The following THAP10 variants were observed in gnomAD, a reference collection of about 807,000 sequenced individuals.
The protein encoded by THAP10 is THAP domain-containing protein 10.
In THAP10, 10 loss-of-function variants were observed where a neutral mutation model predicts 15.7. That is an observed-to-expected ratio of 0.64 (90% CI 0.39 to 1.08). The LOEUF (loss-of-function observed/expected upper bound fraction) is 1.08, where lower values mean the gene tolerates loss of function less well. Among genes scored for constraint, THAP10 ranks in the 50% least tolerant of loss-of-function variants. The probability of loss-of-function intolerance (pLI) is 0.01; values close to 1 mark genes in which losing one functional copy is unlikely to be tolerated. For missense variants in THAP10, 310 were observed against 330.9 expected (o/e 0.94, Z 0.49); for synonymous variants, 127 against 129.1 (o/e 0.98, Z 0.11).
chr15:70,888,776 C>A (rs2141090039), intron 1 of THAP10, among the ~76,000 whole-genome samples: 1 of 152,182 alleles, frequency 6.6e-6, no homozygotes, highest in Non-Finnish European at 1.5e-5. Context: ...GACAGACAAT[C>A]CAACAGAAAA....
intron 1 of THAP10, among the ~76,000 whole-genome samples, chr15:70,884,631 C>G (rs978122112): frequency 6.6e-6 from 1 of 152,042 alleles, no homozygotes; most frequent in African/African-American, 2.4e-5. Flanking sequence ...TTTATCTCCA[C>G]GTTTATTAAA....
chr15:70,891,236 C>T (rs1325006960), intron 1 of THAP10, among the ~76,000 whole-genome samples: 1 of 152,072 alleles, frequency 6.6e-6, no homozygotes, highest in Non-Finnish European at 1.5e-5. Flanking sequence ...TTAGAAGGAA[C>T]AGAAAAGTAG....
At chr15:70,882,968 CA>C in intron 1 of THAP10, 60 bp from the exon 2 acceptor site, 1 of 1,561,446 alleles carries the variant, frequency 6.4e-7, no homozygotes, top group Non-Finnish European at 8.7e-7. Context: ...TTTTATCTTT[CA>C]AAAGTTACAA....
rs1383720937 is a variant in THAP10 at position 70,892,094 on chromosome 15, G to A, written c.179C>T (p.Pro60Leu). 3 of 1,613,944 alleles carry A rather than the reference G, an allele frequency of 1.9e-6. No homozygotes were observed. Among genetic ancestry groups the A allele is most frequent in the Admixed American group, 3.3e-5 (2 of 60,000 alleles). Residue 60 changes from proline to leucine, a missense_variant, in exon 1 of 3, where the codon CCA becomes CTA. Physicochemically the swap from Pro to Leu is moderately conservative, Grantham distance 98. Transcript: ENST00000249861. ...AACCGAAGAGACGTCAAAACAGGCT[G>A]GGGCAAAGTGGTCAGAGCAGATGAC... ...RSVICSDHFAPACFDVSSVIQ... is the reference protein window; with the variant it reads ...RSVICSDHFALACFDVSSVIQ...
At position 70,891,997 on chromosome 15, in the gene THAP10, C is replaced by A. The variant is rs1198099107; in HGVS notation, c.276G>T (p.Val92=). ...CTCCCCTCTTAGGTGCCGGGGCGGGCACCCGGTGCAGGGTGGGCACGGCGC... is the reference window on the plus strand; with the variant it reads ...CTCCCCTCTTAGGTGCCGGGGCGGGAACCCGGTGCAGGGTGGGCACGGCGC... ...VAGAVPTLHR[V]PAPAPKRGEE... Residue 92 remains valine (V), a synonymous_variant, in exon 1 of 3, where the codon GTG becomes GTT. Transcript: ENST00000249861. The A allele has an allele frequency of 6.2e-7, 1 of 1,613,068 alleles. No individual in the cohort carries two copies. Among genetic ancestry groups the A allele is most frequent in the Admixed American group, 1.7e-5 (1 of 59,924 alleles).
rs774692275 is a variant in THAP10 at position 70,892,241 on chromosome 15, C to T, written c.32G>A (p.Gly11Asp). 7 of 1,584,060 alleles carry T rather than the reference C, an allele frequency of 4.4e-6. No homozygotes were observed. The highest frequency in any genetic ancestry group is 5.2e-6 in the Non-Finnish European group (6 of 1,164,302). MPARCVAAHCGNTTKSGKSLF... is the reference protein window; with the variant it reads MPARCVAAHCDNTTKSGKSLF... ...CGACTTCCCAGACTTGGTGGTGTTG[C>T]CGCAGTGGGCGGCCACACAACGGGC... The change falls in exon 1 of 3, where the codon GGC becomes GAC. Residue 11 changes from glycine to aspartate, a missense_variant. Coordinates refer to ENST00000249861, the MANE Select transcript of THAP10 (RefSeq NM_020147.4).
At chr15:70,890,667 A>C (rs544357318) in intron 1 of THAP10, among the ~76,000 whole-genome samples, 1 of 152,344 alleles carries the variant, frequency 6.6e-6, no homozygotes, top group South Asian at 2.1e-4. Context: ...TACATAACTA[A>C]GGGATCAAGG....
Position 70,892,092 on chromosome 15 carries a change from C to G in THAP10, c.181G>C (p.Ala61Pro). Residue 61 changes from alanine (A) to proline (P), a missense_variant, in exon 1 of 3, where the codon GCC becomes CCC. By Grantham distance (27) the Ala-to-Pro change is conservative. Coordinates refer to ENST00000249861, the MANE Select transcript of THAP10 (RefSeq NM_020147.4). ...ATAACCGAAGAGACGTCAAAACAGG[C>G]TGGGGCAAAGTGGTCAGAGCAGATG... is the stretch of plus-strand genomic sequence containing the variant. ...SVICSDHFAP[A>P]CFDVSSVIQK... is the part of the protein sequence containing the mutation. 1.9e-6 allele frequency: 3 copies of G among 1,613,948 alleles called. No homozygotes were observed. Among genetic ancestry groups the G allele is most frequent in the African/African-American group, 1.3e-5 (1 of 75,060 alleles).
In THAP10 at chr15:70,881,821, A is replaced by G. The variant is rs1308774949; in HGVS notation, c.*633T>C. 4 of 152,252 alleles carry G rather than the reference A, an allele frequency of 2.6e-5. No homozygotes were observed. In the East Asian group the frequency reaches 7.7e-4, roughly 29 times the overall value. 9.4% of individuals were successfully genotyped at this position (152,252 alleles called of 1,614,324 possible). ...GCACTGATGCAAACAGATTTCATTA[A>G]TAAGTTAATGTAAGTATATGAAAAC... On this transcript the variant is annotated 3_prime_UTR_variant, in exon 3 of 3. Transcript: ENST00000249861.
rs531067507 is a variant in THAP10 at position 70,882,344 on chromosome 15, A to C, written c.*110T>G. 2 of 1,020,700 alleles carry C rather than the reference A, an allele frequency of 2.0e-6. No homozygotes were observed. Among genetic ancestry groups the C allele is most frequent in the Admixed American group, 4.7e-5 (2 of 43,008 alleles). 63.2% of individuals were successfully genotyped at this position (1,020,700 alleles called of 1,614,324 possible). The stretch of plus-strand genomic sequence containing the variant: ...TTAGAGCTAAACAAATTATGCTGAT[A>C]CTCAACTGTCAAATTATCTTGAAGT... On this transcript the variant is annotated 3_prime_UTR_variant, in exon 3 of 3. Transcript: ENST00000249861.
intron 1 of THAP10, among the ~76,000 whole-genome samples, chr15:70,883,649 A>AT (rs34016002): frequency 0.43 from 62,342 of 143,814 alleles, 14,287 homozygotes; most frequent in East Asian, 0.61. Flanking sequence ...GTGAAATGGA[A>AT]TTTTTTTTTT....
intron 1 of THAP10, among the ~76,000 whole-genome samples, chr15:70,890,254 A>G (rs1364704549): frequency 1.3e-5 from 2 of 151,608 alleles, no homozygotes; most frequent in Non-Finnish European, 2.9e-5. Context: ...TGCTACACAC[A>G]TATATATGTA....
At chr15:70,883,639 G>A (rs2033325680) in intron 1 of THAP10, among the ~76,000 whole-genome samples, 2 of 146,218 alleles carry the variant, frequency 1.4e-5, no homozygotes, top group Admixed American at 1.4e-4. Flanking sequence ...AAACTACATT[G>A]TGAAATGGAA....
intron 1 of THAP10, among the ~76,000 whole-genome samples, chr15:70,891,003 G>A (rs770363492): frequency 6.6e-6 from 1 of 152,208 alleles, no homozygotes; most frequent in Non-Finnish European, 1.5e-5. Flanking sequence ...CCACCCCAAT[G>A]TAGGAAGCAG....
At position 70,892,264 on chromosome 15, in the gene THAP10, G is replaced by A. The variant is rs191658638; in HGVS notation, c.9C>T (p.Ala3=). 1.4e-4 allele frequency: 226 copies of A among 1,568,318 alleles called. 1 individual carries two copies. In the African/African-American group the frequency reaches 2.4e-3, roughly 17 times the overall value. Residue 3 remains alanine, a synonymous_variant, in exon 1 of 3, where the codon GCC becomes GCT. Coordinates refer to ENST00000249861, the MANE Select transcript of THAP10 (RefSeq NM_020147.4). ...TGCCGCAGTGGGCGGCCACACAACGGGCCGGCATGGCGGCCGTCTTCGGTG... is the reference window on the plus strand; with the variant it reads ...TGCCGCAGTGGGCGGCCACACAACGAGCCGGCATGGCGGCCGTCTTCGGTG... MP[A]RCVAAHCGNT...
chr15:70,886,237 A>T (rs2033404529), intron 1 of THAP10, among the ~76,000 whole-genome samples: 1 of 152,200 alleles, frequency 6.6e-6, no homozygotes, highest in Non-Finnish European at 1.5e-5. Context: ...AATTGGGCTT[A>T]ATTTAGGTTA....
At position 70,882,875 on chromosome 15, in the gene THAP10, G is replaced by A. The variant is rs771186877; in HGVS notation, c.463C>T (p.Pro155Ser). The change falls in exon 2 of 3, where the codon CCC becomes TCC. Residue 155 changes from proline to serine, a missense_variant. Physicochemically the swap from Pro to Ser is moderately conservative, Grantham distance 74. Coordinates refer to ENST00000249861, the MANE Select transcript of THAP10 (RefSeq NM_020147.4). ...GTATTAGATGGATTATCAGCATGGG[G>A]TTGGGTTTGCACAAGTTCATTTTCA... ...TCENELVQTQ[P>S]HADNPSNTVT... 7.4e-6 allele frequency: 12 copies of A among 1,614,078 alleles called. No homozygotes were observed. In the Admixed American group the frequency reaches 2.0e-4, roughly 27 times the overall value.
Position 70,892,361 on chromosome 15 carries a change from T to TC in THAP10, c.-90dup. The TC allele has an allele frequency of 1.3e-6, 2 of 1,547,808 alleles. No individual in the cohort carries two copies. The highest frequency in any genetic ancestry group is 1.7e-6 in the Non-Finnish European group (2 of 1,146,714). On this transcript the variant is annotated 5_prime_UTR_variant, in exon 1 of 3. Transcript: ENST00000249861. ...GCAGCGGCCTCGGCGAGGCAAGTCC[T>TC]CCCCTCCTCACCTGTCCACTCCGGG...
rs2033283517 is a variant in THAP10 at position 70,882,347 on chromosome 15, C to G, written c.*107G>C. 9.5e-7 allele frequency: 1 copy of G among 1,055,072 alleles called. No homozygotes were observed. Among genetic ancestry groups the G allele is most frequent in the African/African-American group, 1.6e-5 (1 of 63,148 alleles). 65.4% of individuals were successfully genotyped at this position (1,055,072 alleles called of 1,614,324 possible). A position where few individuals can be genotyped will look rare whatever the true frequency, so the allele number is the denominator to read the frequency against. ...GAGCTAAACAAATTATGCTGATACT[C>G]AACTGTCAAATTATCTTGAAGTGAA... On this transcript the variant is annotated 3_prime_UTR_variant, in exon 3 of 3. Coordinates refer to ENST00000249861, the MANE Select transcript of THAP10 (RefSeq NM_020147.4).
Sources: gnomAD v4.1 joint callset for allele counts (sites outside exome capture counted in the v4.1 genomes callset) on GRCh38, gnomAD v4.1.1 for gene constraint, MANE v1.5 for transcripts, NCBI Gene and HGNC (gene_info 2026-07-23, HGNC 2026-07-21) for gene names.